ANO9: variants seen among roughly 807,000 people sequenced by gnomAD.
ANO9 encodes anoctamin 9.
Under a neutral mutation model 100.5 loss-of-function variants are expected in ANO9, and 80 were observed. That is an observed-to-expected ratio of 0.80 (90% CI 0.66 to 0.96). ANO9 has a LOEUF of 0.96. ANO9 is among the 40% of genes least tolerant of loss of function. The pLI is 0.00. For missense variants in ANO9, 1,064 were observed against 1,072.7 expected (o/e 0.99, Z 0.11); for synonymous variants, 473 against 435.6 (o/e 1.09, Z -1.07).
chr11:425,713 TTTTGTTTTTTG>T (rs1848475103), intron 15 of ANO9, among the ~76,000 whole-genome samples: 1 of 150,836 alleles, frequency 6.6e-6, no homozygotes, highest in Admixed American at 6.6e-5. Context: ...GTTTTTTGTT[TTTTGTTTTTTG>T]TTTGTTTGTT....
At chr11:420,640 C>T (rs1228675603) in intron 18 of ANO9, 25 bp from the exon 19 acceptor site, 5 of 1,602,906 alleles carry the variant, frequency 3.1e-6, no homozygotes, top group Non-Finnish European at 3.4e-6. Context: ...TCAGGCTCAC[C>T]GGCGCCCCGC....
rs1848055175 is a variant in ANO9 at position 419,653 on chromosome 11, A to G, written c.1863T>C (p.Ser621=). 7 of 1,613,584 alleles carry G rather than the reference A, an allele frequency of 4.3e-6. No individual in the cohort carries two copies. Among genetic ancestry groups the G allele is most frequent in the Non-Finnish European group, 5.9e-6 (7 of 1,179,910 alleles). ...IANGMVIAFT[S]EFIPRVVYKY... is the part of the protein sequence containing the mutation. The stretch of plus-strand genomic sequence containing the variant: ...TGTAGACCACTCGGGGGATGAACTC[A>G]GATGTGAAGGCAATGACCATCCCAT... The change falls in exon 20 of 23, where the codon TCT becomes TCC. Residue 621 remains serine (S), a synonymous_variant. Transcript: ENST00000332826.
intron 1 of ANO9, among the ~76,000 whole-genome samples, 171 bp downstream of exon 1, chr11:441,750 C>T (rs1363197184): frequency 6.6e-6 from 1 of 152,190 alleles, no homozygotes; most frequent in Non-Finnish European, 1.5e-5. Flanking sequence ...CAGGAGGCAG[C>T]TTAGCTGAGC....
intron 11 of ANO9, 104 bp from the exon 12 acceptor site, chr11:428,930 ACCC>A (rs1358153600): frequency 9.2e-7 from 1 of 1,081,474 alleles, no homozygotes. Flanking sequence ...CGGGACACTC[ACCC>A]CACACATGGG....
intron 9 of ANO9, 65 bp downstream of exon 9, chr11:430,018 C>T (rs959537051): frequency 1.3e-5 from 19 of 1,510,460 alleles, no homozygotes; most frequent in African/African-American, 5.5e-5. Flanking sequence ...TGATCTCCCC[C>T]GCTTCGGGTG....
chr11:441,916 C>T lies in ANO9; in HGVS notation c.6+5G>A. ...GGTGTGGACCCTTTTGAGCGCAGGA[C>T]TCACCTGCATGCTGGCTGTGGCCGG... On this transcript the variant is annotated splice_donor_5th_base_variant and intron_variant, in intron 1 of 22. Coordinates refer to ENST00000332826, the MANE Select transcript of ANO9 (RefSeq NM_001012302.3). The T allele has an allele frequency of 1.2e-6, 2 of 1,608,060 alleles. No individual in the cohort carries two copies. The highest frequency in any genetic ancestry group is 2.7e-5 in the African/African-American group (2 of 75,028).
rs750652031 is a variant in ANO9, at chr11:429,767, C to T, written c.823G>A (p.Ala275Thr). Residue 275 changes from alanine to threonine, a missense_variant, in exon 10 of 23, where the codon GCT (alanine) becomes ACT (threonine). Ala to Thr is a moderately conservative substitution (Grantham distance 58). Coordinates refer to ENST00000332826, the MANE Select transcript of ANO9 (RefSeq NM_001012302.3). ...TCCCGCAGCAACTCACCCCAGAGAGCCATGAAGATGGCGAACACCACCGTG... is the reference window on the plus strand; with the variant it reads ...TCCCGCAGCAACTCACCCCAGAGAGTCATGAAGATGGCGAACACCACCGTG... The part of the protein sequence containing the change: ...DGTVVFAIFM[A>T]LWATVFLEIW... The T allele has an allele frequency of 3.1e-6, 5 of 1,610,858 alleles. No homozygotes were observed. The highest frequency in any genetic ancestry group is 1.3e-5 in the African/African-American group (1 of 74,866).
At chr11:433,202 C>G in intron 4 of ANO9, 112 bp downstream of exon 4, 1 of 1,436,710 alleles carries the variant, frequency 7.0e-7, no homozygotes, top group African/African-American at 1.4e-5. Context: ...GACCACACGG[C>G]TGTCCTGCCT....
intron 20 of ANO9, chr11:419,330 C>T: frequency 7.1e-7 from 1 of 1,410,556 alleles, no homozygotes; most frequent in East Asian, 2.6e-5. Flanking sequence ...CTGGCAGGGC[C>T]TACTCAGGAG....
In ANO9 at chr11:421,043, C is replaced by G; in HGVS notation, c.1393-1G>C. On this transcript the variant is annotated splice_acceptor_variant, in intron 16 of 22. Transcript: ENST00000332826. LOFTEE classifies it high-confidence loss of function. The surrounding 1 kb of genome is among the most constrained non-coding windows in gnomAD (Gnocchi z 6.8). ...CCATCATGCAGCCGCTGGCGTGGCA[C>G]TGCGGGGCCAGACAGGAGGAGATCA... 6.2e-7 allele frequency: 1 copy of G among 1,601,510 alleles called. No homozygotes were observed. The highest frequency in any genetic ancestry group is 1.1e-5 in the South Asian group (1 of 90,722).
intron 15 of ANO9, among the ~76,000 whole-genome samples, chr11:425,554 A>T (rs554534413): frequency 5.1e-5 from 7 of 136,012 alleles, no homozygotes; most frequent in East Asian, 2.3e-4. Context: ...ACTGACAGTT[A>T]AAAAAAAAAA....
intron 1 of ANO9, among the ~76,000 whole-genome samples, chr11:435,985 C>A (rs375158049): frequency 6.7e-6 from 1 of 149,966 alleles, no homozygotes; most frequent in African/African-American, 2.5e-5. Flanking sequence ...GACACGCCTA[C>A]ACCAAAAATG....
At chr11:439,745 G>A (rs1474295786) in intron 1 of ANO9, among the ~76,000 whole-genome samples, 2 of 152,178 alleles carry the variant, frequency 1.3e-5, no homozygotes, top group African/African-American at 2.4e-5. Context: ...GAGCCACAGC[G>A]TCTCGCCTCT....
chr11:430,288 A>G lies in ANO9; in HGVS notation c.655T>C (p.Phe219Leu). ...LLVFLSGFSLFEASQISKEIC... is the reference protein window; with the variant it reads ...LLVFLSGFSLLEASQISKEIC... ...GCCCACCTGATCTGGCTGGCCTCAA[A>G]CAGCGAGAATCCGCTCAGAAAGACT... The change falls in exon 8 of 23, where the codon TTT (phenylalanine) becomes CTT (leucine). Residue 219 changes from phenylalanine (F) to leucine (L), a missense_variant. Physicochemically the swap from Phe to Leu is conservative, Grantham distance 22. Coordinates refer to ENST00000332826, the MANE Select transcript of ANO9 (RefSeq NM_001012302.3). 1.3e-6 allele frequency: 2 copies of G among 1,585,262 alleles called. No homozygotes were observed. The highest frequency in any genetic ancestry group is 1.7e-6 in the Non-Finnish European group (2 of 1,166,520).
intron 1 of ANO9, among the ~76,000 whole-genome samples, chr11:439,468 G>A (rs777164916): frequency 2.6e-4 from 38 of 148,534 alleles, no homozygotes; most frequent in Non-Finnish European, 5.1e-4. Context: ...ACTCCTGAGA[G>A]GCCTGGCCAG....
At position 420,832 on chromosome 11, in the gene ANO9, G is replaced by T. The variant is rs1393207732; in HGVS notation, c.1519C>A (p.Arg507=). The T allele has an allele frequency of 1.3e-6, 2 of 1,589,886 alleles. No homozygotes were observed. The highest frequency in any genetic ancestry group is 2.3e-5 in the East Asian group (1 of 44,162). The part of the protein sequence containing the change: ...PWVTHKCRSL[R]ASESGHLPRD... ...GGCAGGTGCCCGGACTCGGAGGCCCGCAGAGAGCGGCACTTGTGGGTCACC... is the reference window on the plus strand; with the variant it reads ...GGCAGGTGCCCGGACTCGGAGGCCCTCAGAGAGCGGCACTTGTGGGTCACC... The change falls in exon 18 of 23, where the codon CGG becomes AGG. Residue 507 remains arginine (R), a synonymous_variant. Transcript: ENST00000332826.
chr11:423,712 G>T (rs1373251931), intron 15 of ANO9, among the ~76,000 whole-genome samples: 1 of 151,866 alleles, frequency 6.6e-6, no homozygotes, highest in East Asian at 1.9e-4. Context: ...TGGGGGGTTT[G>T]GGGGCAGTGG....
Position 419,618 on chromosome 11 carries a change from T to C in ANO9, c.1898A>G (p.Tyr633Cys). The C allele has an allele frequency of 6.2e-7, 1 of 1,613,576 alleles. No individual in the cohort carries two copies. The highest frequency in any genetic ancestry group is 8.5e-7 in the Non-Finnish European group (1 of 1,179,900). ...FIPRVVYKYR[Y>C]SPCLKEGNST... ...GTTGCCTTCTTTCAGGCATGGGCTA[T>C]AGCGGTACTTGTAGACCACTCGGGG... Residue 633 changes from tyrosine (Y) to cysteine (C), a missense_variant, in exon 20 of 23, where the codon TAT (tyrosine) becomes TGT (cysteine). Coordinates refer to ENST00000332826, the MANE Select transcript of ANO9 (RefSeq NM_001012302.3).
At chr11:441,456 C>T (rs933186033) in intron 1 of ANO9, among the ~76,000 whole-genome samples, 3 of 152,146 alleles carry the variant, frequency 2.0e-5, no homozygotes, top group African/African-American at 7.2e-5. Context: ...CACAGCCCGC[C>T]GGCCACTCTG....
Sources: allele counts gnomAD v4.1 joint callset (sites outside exome capture counted in the v4.1 genomes callset), GRCh38; gene constraint gnomAD v4.1.1; non-coding constraint Gnocchi (gnomAD v3.1); transcripts MANE v1.5; gene names NCBI Gene and HGNC (gene_info 2026-07-23, HGNC 2026-07-21).